The following NXPE2 variants were observed in gnomAD, a reference collection of about 807,000 sequenced individuals.
NXPE2 encodes NXPE family member 2.
A neutral mutation model predicts 34.4 loss-of-function variants in NXPE2; 34 were observed. The observed-to-expected ratio is 0.99, with a 90% CI of 0.75 to 1.31. The LOEUF (loss-of-function observed/expected upper bound fraction) is 1.31, where lower values mean the gene tolerates loss of function less well. Ranked by LOEUF, NXPE2 falls within the 40% of genes most tolerant of loss-of-function variation. NXPE2 has a pLI of 0.00. For missense variants in NXPE2, 649 were observed against 672.5 expected (o/e 0.97, Z 0.39); for synonymous variants, 235 against 231.3 (o/e 1.02, Z -0.15).
chr11:114,582,358 G>A, the NXPE2 span: 1 of 1,613,926 alleles, frequency 6.2e-7, no homozygotes, highest in Non-Finnish European at 8.5e-7. Flanking sequence ...ATGTGAGTGA[G>A]TGCAGCACAG....
the NXPE2 span, among the ~76,000 whole-genome samples, chr11:114,779,359 G>T: frequency 2.0e-5 from 3 of 152,298 alleles, no homozygotes; most frequent in South Asian, 2.1e-4. Flanking sequence ...GGGGCGGTGT[G>T]GGGGGCTTGA....
chr11:114,639,233 C>T, the NXPE2 span, among the ~76,000 whole-genome samples: 15 of 151,958 alleles, frequency 9.9e-5, 1 homozygote, highest in East Asian at 1.9e-3. Context: ...GCTGTGCGAG[C>T]AATCAGCGAG....
At chr11:114,689,983 T>C (rs1280720237) in intron 2 of NXPE2, among the ~76,000 whole-genome samples, 2 of 152,150 alleles carry the variant, frequency 1.3e-5, no homozygotes, top group Non-Finnish European at 2.9e-5. Context: ...GGTATTGTTA[T>C]ATGTGAGATG....
the NXPE2 span, among the ~76,000 whole-genome samples, chr11:114,570,289 A>G: frequency 4.7e-3 from 717 of 152,176 alleles, 11 homozygotes; most frequent in African/African-American, 0.016. Flanking sequence ...ACTGCACCCA[A>G]CCCTCCAAAG....
chr11:114,552,071 A>G, the NXPE2 span: 1 of 152,216 alleles, frequency 6.6e-6, no homozygotes, highest in African/African-American at 2.4e-5. Flanking sequence ...CTGGATGCGC[A>G]GAGCAATTTA....
intron 2 of NXPE2, among the ~76,000 whole-genome samples, chr11:114,682,448 C>A (rs1950964885): frequency 6.6e-6 from 1 of 152,090 alleles, no homozygotes; most frequent in Non-Finnish European, 1.5e-5. Context: ...CTCAGGAATG[C>A]AGTTAATTTT....
chr11:114,810,038 A>G, the NXPE2 span, among the ~76,000 whole-genome samples: 323 of 151,748 alleles, frequency 2.1e-3, 6 homozygotes, highest in Admixed American at 0.019. Context: ...ATAATGCCGC[A>G]TATCTACAAC....
chr11:114,595,248 T>C, the NXPE2 span, among the ~76,000 whole-genome samples: 8 of 152,158 alleles, frequency 5.3e-5, no homozygotes, highest in Non-Finnish European at 1.0e-4. Context: ...CTTTTCTGTT[T>C]TAGCAGGCTT....
the NXPE2 span, among the ~76,000 whole-genome samples, chr11:114,773,236 G>A: frequency 1.1e-3 from 172 of 150,478 alleles, no homozygotes; most frequent in African/African-American, 3.9e-3. Context: ...CAGAGCCTTG[G>A]GTTCAGTCAG....
upstream of NXPE2, among the ~76,000 whole-genome samples, chr11:114,675,891 A>G (rs1225425131): frequency 2.0e-5 from 3 of 151,928 alleles, 1 homozygote; most frequent in Admixed American, 1.3e-4. Context: ...GTATGGGCAT[A>G]AAAACAGACA....
chr11:114,588,268 T>C, the NXPE2 span, among the ~76,000 whole-genome samples: 1 of 152,146 alleles, frequency 6.6e-6, no homozygotes, highest in Non-Finnish European at 1.5e-5. Context: ...TTCACTCTTA[T>C]CCTTACAGGA....
chr11:114,564,369 C>T, the NXPE2 span, among the ~76,000 whole-genome samples: 1 of 152,070 alleles, frequency 6.6e-6, no homozygotes, highest in African/African-American at 2.4e-5. Context: ...GTACACTGCT[C>T]AGGTGATCAA....
At chr11:114,485,611 C>T in the NXPE2 span, among the ~76,000 whole-genome samples, 12 of 151,888 alleles carry the variant, frequency 7.9e-5, no homozygotes, top group Admixed American at 7.2e-4. Context: ...CTTATTTATC[C>T]ACTGTATTTT....
chr11:114,751,878 A>G, the NXPE2 span, among the ~76,000 whole-genome samples: 2 of 152,304 alleles, frequency 1.3e-5, no homozygotes, highest in Admixed American at 6.5e-5. Flanking sequence ...AGGCAACGTG[A>G]TGATGAAAGC....
the NXPE2 span, among the ~76,000 whole-genome samples, chr11:114,715,897 G>GTAGCT: frequency 2.6e-5 from 4 of 152,072 alleles, no homozygotes; most frequent in Non-Finnish European, 5.9e-5. Flanking sequence ...AACCACCTAA[G>GTAGCT]TAGCTGTTTA....
At chr11:114,557,666 TATATATAA>T in the NXPE2 span, among the ~76,000 whole-genome samples, 161 of 128,346 alleles carry the variant, frequency 1.3e-3, 1 homozygote, top group African/African-American at 4.5e-3. Context: ...TATATATATA[TATATATAA>T]AATCCTTGTT....
chr11:114,545,863 A>G, the NXPE2 span, among the ~76,000 whole-genome samples: 3 of 151,820 alleles, frequency 2.0e-5, no homozygotes, highest in Non-Finnish European at 2.9e-5. Context: ...TAATTTTTGT[A>G]TTTTTTTAAT....
At chr11:114,782,861 G>A in the NXPE2 span, among the ~76,000 whole-genome samples, 6 of 152,176 alleles carry the variant, frequency 3.9e-5, no homozygotes, top group Non-Finnish European at 5.9e-5. Flanking sequence ...ACCTGCAGGC[G>A]TTCCAGCCAA....
chr11:114,624,833 T>A, the NXPE2 span, among the ~76,000 whole-genome samples: 1 of 152,068 alleles, frequency 6.6e-6, no homozygotes, highest in South Asian at 2.1e-4. Context: ...GGGTAACCAC[T>A]GTTACCTGGT....
Sources: allele counts gnomAD v4.1 joint callset (sites outside exome capture counted in the v4.1 genomes callset), GRCh38; gene constraint gnomAD v4.1.1; transcripts MANE v1.5; gene names NCBI Gene and HGNC (gene_info 2026-07-23, HGNC 2026-07-21).